Variants in ZNF611 observed in about 807,000 individuals in gnomAD.
The protein encoded by ZNF611 is zinc finger protein 611.
In ZNF611, 6 loss-of-function variants were observed where a neutral mutation model predicts 8.9. The ratio of observed to expected loss-of-function variants is 0.68; its 90% CI spans 0.37 to 1.34. The LOEUF (loss-of-function observed/expected upper bound fraction) is 1.34. ZNF611 is among the 40% of genes most tolerant of loss of function. The pLI is 0.02. For missense variants in ZNF611, 874 were observed against 841.3 expected (o/e 1.04, Z -0.48); for synonymous variants, 262 against 279.7 (o/e 0.94, Z 0.63).
intron 4 of ZNF611, among the ~76,000 whole-genome samples, chr19:52,714,517 G>C (rs1382245758): frequency 1.3e-5 from 2 of 151,170 alleles, no homozygotes; most frequent in African/African-American, 2.4e-5. Flanking sequence ...GTGAAAAACT[G>C]TCTCTCCTAA....
In ZNF611 at chr19:52,706,240, T is replaced by C; in HGVS notation, c.815A>G (p.Gln272Arg). Reference sequence around the variant, plus strand: ...ACATCTATCATGGCATGCAAGGTATTGCTCGTGATTAAAGAGCTTGCCACA... The same window carrying C: ...ACATCTATCATGGCATGCAAGGTATCGCTCGTGATTAAAGAGCTTGCCACA... ...DVCGKLFNHE[Q>R]YLACHDRCHT... is the part of the protein sequence containing the mutation. The change falls in exon 6 of 6, where the codon CAA becomes CGA. Residue 272 changes from glutamine to arginine, a missense_variant. Transcript: ENST00000652185. 1 of 1,614,190 alleles carries C rather than the reference T, an allele frequency of 6.2e-7. No individual in the cohort carries two copies. The highest frequency in any genetic ancestry group is 8.5e-7 in the Non-Finnish European group (1 of 1,180,012).
rs181021525 is a variant in ZNF611, at chr19:52,721,076, T to C, written c.-19-5163A>G. ...CCGAGCAGAGGGGCTCCTCACTTCC[T>C]AGACGGGGCGGCCAGGAAGAGACGC... On this transcript the variant is annotated intron_variant, in intron 3 of 5. Coordinates refer to ENST00000652185, the MANE Select transcript of ZNF611 (RefSeq NM_001161499.2). The C allele has an allele frequency of 1.3e-3, 178 of 136,732 alleles. 1 individual carries two copies. The highest frequency in any genetic ancestry group is 4.1e-3 in the Admixed American group (56 of 13,598). 8.5% of individuals were successfully genotyped at this position (136,732 alleles called of 1,614,324 possible).
At chr19:52,712,479 A>C (rs999671837) in intron 5 of ZNF611, among the ~76,000 whole-genome samples, 1 of 148,292 alleles carries the variant, frequency 6.7e-6, no homozygotes, top group African/African-American at 2.5e-5. Flanking sequence ...AAAAAAAAAA[A>C]AAAAAAAACA....
intron 5 of ZNF611, among the ~76,000 whole-genome samples, chr19:52,710,086 T>G (rs2062269995): frequency 6.6e-6 from 1 of 152,112 alleles, no homozygotes; most frequent in African/African-American, 2.4e-5. Flanking sequence ...CTATTTCTTT[T>G]TTTGTCTGTT....
intron 3 of ZNF611, among the ~76,000 whole-genome samples, chr19:52,727,761 C>T (rs2062401556): frequency 6.6e-6 from 1 of 152,134 alleles, no homozygotes; most frequent in African/African-American, 2.4e-5. Flanking sequence ...GTTGCACCTG[C>T]ATTCCGCTAG....
At chr19:52,709,389 C>G (rs547987950) in intron 5 of ZNF611, among the ~76,000 whole-genome samples, 16 of 152,158 alleles carry the variant, frequency 1.1e-4, no homozygotes, top group Non-Finnish European at 2.1e-4. Flanking sequence ...TCTCCTGCCT[C>G]AGCCTTCAGA....
At chr19:52,720,674 G>A (rs1202030381) in intron 3 of ZNF611, among the ~76,000 whole-genome samples, 5 of 148,026 alleles carry the variant, frequency 3.4e-5, no homozygotes, top group African/African-American at 1.0e-4. Flanking sequence ...CGGGGCGGCT[G>A]CTGGGCAGAG....
In ZNF611 at chr19:52,706,179, A is replaced by G; in HGVS notation, c.876T>C (p.Cys292=). Residue 292 remains cysteine, a synonymous_variant, in exon 6 of 6, where the codon TGT becomes TGC. Transcript: ENST00000652185. The stretch of plus-strand genomic sequence containing the variant: ...ATGACTCCTGACTGAAGGTCTTGCC[A>G]CACTCTTTACACTTGTAAGGTTTCT... ...TVEKPYKCKE[C]GKTFSQESSL... is the part of the protein sequence containing the mutation. The G allele has an allele frequency of 6.2e-7, 1 of 1,614,180 alleles. No individual in the cohort carries two copies. Among genetic ancestry groups the G allele is most frequent in the Non-Finnish European group, 8.5e-7 (1 of 1,179,996 alleles).
At chr19:52,722,905 G>GTTTTTTTT (rs372056346) in intron 3 of ZNF611, among the ~76,000 whole-genome samples, 4 of 120,002 alleles carry the variant, frequency 3.3e-5, no homozygotes, top group Admixed American at 9.1e-5. Flanking sequence ...TTTTGTTTTC[G>GTTTTTTTT]TTTTTTTTTT....
Position 52,705,950 on chromosome 19 carries a change from G to C in ZNF611, c.1105C>G (p.Pro369Ala). Reference sequence around the variant, plus strand: ...TTGTCACATTCTTCACATTTGTAAGGTTTCTCTCCAGTATGAATTCTATGA... The same window carrying C: ...TTGTCACATTCTTCACATTTGTAAGCTTTCTCTCCAGTATGAATTCTATGA... ...SHHRIHTGEK[P>A]YKCEECDKVF... Residue 369 changes from proline to alanine, a missense_variant, in exon 6 of 6, where the codon CCT becomes GCT. Transcript: ENST00000652185. 6.2e-7 allele frequency: 1 copy of C among 1,614,054 alleles called. No individual in the cohort carries two copies.
chr19:52,718,528 G>T (rs1005580711), intron 3 of ZNF611, among the ~76,000 whole-genome samples: 1 of 151,990 alleles, frequency 6.6e-6, no homozygotes, highest in Non-Finnish European at 1.5e-5. Context: ...AGGCCCGGCA[G>T]CTGCTCATGC....
intron 1 of ZNF611, among the ~76,000 whole-genome samples, chr19:52,733,976 C>T (rs955858433): frequency 6.6e-6 from 1 of 152,034 alleles, no homozygotes; most frequent in African/African-American, 2.4e-5. Context: ...CCCAGCTGTC[C>T]TCTCTGCTGT....
At position 52,703,604 on chromosome 19, in the gene ZNF611, T is replaced by G. The variant is rs978423380; in HGVS notation, c.*1333A>C. The stretch of plus-strand genomic sequence containing the variant: ...CTTTGATATCCTTTTTTTTTTTTTT[T>G]TTTTTGAGATAGACTCTCACTCTGT... On this transcript the variant is annotated 3_prime_UTR_variant, in exon 6 of 6. Coordinates refer to ENST00000652185, the MANE Select transcript of ZNF611 (RefSeq NM_001161499.2). The G allele has an allele frequency of 2.0e-5, 3 of 149,872 alleles. No individual in the cohort carries two copies. The highest frequency in any genetic ancestry group is 6.7e-5 in the Admixed American group (1 of 14,966). The allele number at this position is 149,872 out of a possible 1,614,324, so 9.3% of individuals were successfully genotyped here. A position where few individuals can be genotyped will look rare whatever the true frequency, so the allele number is the denominator to read the frequency against.
At position 52,706,220 on chromosome 19, in the gene ZNF611, T is replaced by C. The variant is rs1482875027; in HGVS notation, c.835A>G (p.Arg279Gly). 2 of 1,614,198 alleles carry C rather than the reference T, an allele frequency of 1.2e-6. No homozygotes were observed. Among genetic ancestry groups the C allele is most frequent in the East Asian group, 2.2e-5 (1 of 44,884 alleles). ...NHEQYLACHD[R>G]CHTVEKPYKC... is the part of the protein sequence containing the mutation. ...TAAGGTTTCTCAACAGTGTGACATC[T>C]ATCATGGCATGCAAGGTATTGCTCG... Residue 279 changes from arginine (R) to glycine (G), a missense_variant, in exon 6 of 6, where the codon AGA becomes GGA. By Grantham distance (125) the Arg-to-Gly change is moderately radical. Coordinates refer to ENST00000652185, the MANE Select transcript of ZNF611 (RefSeq NM_001161499.2).
intron 3 of ZNF611, among the ~76,000 whole-genome samples, chr19:52,723,247 T>C (rs1447925698): frequency 6.7e-6 from 1 of 148,376 alleles, no homozygotes; most frequent in Admixed American, 6.9e-5. Context: ...TCACAACTTA[T>C]TTAACCTTTT....
chr19:52,734,540 G>GGT (rs1568612498), intron 1 of ZNF611, among the ~76,000 whole-genome samples: 3 of 83,500 alleles, frequency 3.6e-5, no homozygotes, highest in Admixed American at 3.4e-4. Context: ...GCGGGGCGGG[G>GGT]GGGGGGGGCG....
At chr19:52,710,082 CT>C (rs897281733) in intron 5 of ZNF611, among the ~76,000 whole-genome samples, 10 of 151,794 alleles carry the variant, frequency 6.6e-5, no homozygotes, top group African/African-American at 2.4e-4. Context: ...TCAGCTATTT[CT>C]TTTTTTGTCT....
chr19:52,713,695 G>A (rs1448678640), intron 5 of ZNF611, among the ~76,000 whole-genome samples: 1 of 151,892 alleles, frequency 6.6e-6, no homozygotes, highest in East Asian at 1.9e-4. Flanking sequence ...AGTTAGAGAC[G>A]AGCCTGACCA....
intron 3 of ZNF611, among the ~76,000 whole-genome samples, chr19:52,716,844 G>T (rs1244555105): frequency 6.6e-6 from 1 of 152,118 alleles, no homozygotes; most frequent in South Asian, 2.1e-4. Context: ...ACCACTTGGG[G>T]TGAAGAGGTA....
Sources: allele counts gnomAD v4.1 joint callset (sites outside exome capture counted in the v4.1 genomes callset), GRCh38; gene constraint gnomAD v4.1.1; transcripts MANE v1.5; gene names NCBI Gene and HGNC (gene_info 2026-07-23, HGNC 2026-07-21).